The following PTPRU variants were observed in gnomAD, a reference collection of about 807,000 sequenced individuals.
PTPRU encodes the protein protein tyrosine phosphatase receptor type U, also known as receptor-type tyrosine-protein phosphatase U.
A neutral mutation model predicts 166.3 loss-of-function variants in PTPRU; 69 were observed. That is an observed-to-expected ratio of 0.41 (90% CI 0.34 to 0.51). The LOEUF (loss-of-function observed/expected upper bound fraction) is 0.51. Among genes scored for constraint, PTPRU ranks in the 20% least tolerant of loss-of-function variants. The pLI, the probability that PTPRU is intolerant of heterozygous loss-of-function variation, is 0.09. For synonymous variants in PTPRU, 793 were observed against 814.0 expected, an observed-to-expected ratio of 0.97 and a Z score of 0.44; for missense variants, 1,657 against 2,013.7, an observed-to-expected ratio of 0.82 and a Z score of 3.39.
chr1:29,276,323 T>C (rs1222637212), intron 8 of PTPRU, among the ~76,000 whole-genome samples: 1 of 151,880 alleles, frequency 6.6e-6, no homozygotes, highest in Non-Finnish European at 1.5e-5. Context: ...CAAGCTAGTT[T>C]ATTTATTTTT....
chr1:29,320,887 G>T lies in PTPRU; in HGVS notation c.3828+62G>T. On this transcript the variant is annotated intron_variant, in intron 26 of 29. Coordinates refer to ENST00000373779, the MANE Select transcript of PTPRU (RefSeq NM_133178.4). This position sits in a 1 kb window ranked among gnomAD's most constrained non-coding sequence, Gnocchi z 5.2. ...CTCCCAGGTCCTCTGTGTATTCAGG[G>T]CCATGGTCCCCAAAGCCAAAAGTTG... 7.0e-7 allele frequency: 1 copy of T among 1,434,816 alleles called. No homozygotes were observed. The highest frequency in any genetic ancestry group is 9.2e-7 in the Non-Finnish European group (1 of 1,083,130). The allele number at this position is 1,434,816 out of a possible 1,614,324, so 88.9% of individuals were successfully genotyped here.
chr1:29,279,106 C>G lies in PTPRU; in HGVS notation c.1548C>G (p.Leu516=). ...KWEEPQEPNG[L]ITQYEISYQS... is the part of the protein sequence containing the mutation. ...AGGAGCCCCAGGAGCCCAATGGTCT[C>G]ATCACCCAGTATGAGGTGGGTTTGG... Residue 516 remains leucine (L), a synonymous_variant, in exon 9 of 30, where the codon CTC becomes CTG. Transcript: ENST00000373779. This position sits in a 1 kb window ranked among gnomAD's most constrained non-coding sequence, Gnocchi z 5.2. 1 of 1,577,238 alleles carries G rather than the reference C, an allele frequency of 6.3e-7. No homozygotes were observed. The highest frequency in any genetic ancestry group is 8.6e-7 in the Non-Finnish European group (1 of 1,160,774).
chr1:29,310,537 C>T (rs984747581), intron 18 of PTPRU, among the ~76,000 whole-genome samples: 3 of 152,086 alleles, frequency 2.0e-5, no homozygotes, highest in Non-Finnish European at 2.9e-5. Context: ...ATTAAGCCCA[C>T]GACTCTGGTG....
rs577949131 is a variant in PTPRU at position 29,289,262 on chromosome 1, G to A, written c.2319-2607G>A. ...TGAATATATGTCTAAGTGAGTGTGT[G>A]TCAAGTGTGTCTGAATACATGTGTA... On this transcript the variant is annotated intron_variant, in intron 14 of 29. Transcript: ENST00000373779. 6.4e-4 allele frequency among the ~76,000 whole-genome samples: 97 copies of A among 152,254 alleles called. 1 individual carries two copies. Among genetic ancestry groups the A allele is most frequent in the Admixed American group, 1.8e-3 (27 of 15,298 alleles).
chr1:29,252,779 C>T (rs1309233186), intron 1 of PTPRU, among the ~76,000 whole-genome samples: 1 of 152,234 alleles, frequency 6.6e-6, no homozygotes, highest in Non-Finnish European at 1.5e-5. Flanking sequence ...GCCCTCCCAC[C>T]ACCACAGCAG....
At chr1:29,268,231 A>C (rs1685389540) in intron 7 of PTPRU, among the ~76,000 whole-genome samples, 1 of 152,210 alleles carries the variant, frequency 6.6e-6, no homozygotes, top group African/African-American at 2.4e-5. Context: ...TTCGGGCTGC[A>C]GATAGAAATT....
rs1683817086 is a variant in PTPRU at position 29,237,369 on chromosome 1, T to G, written c.73+652T>G. On this transcript the variant is annotated intron_variant, in intron 1 of 29. Transcript: ENST00000373779. This position sits in a 1 kb window ranked among gnomAD's most constrained non-coding sequence, Gnocchi z 6.4. ...CTGCCGGGGGCCGCGTGGGTCCGAG[T>G]GAATGCCAAGTGTGCCGGGAATGCG... Among the ~76,000 whole-genome samples the G allele has an allele frequency of 6.6e-6, 1 of 151,564 alleles. No individual in the cohort carries two copies. Among genetic ancestry groups the G allele is most frequent in the Non-Finnish European group, 1.5e-5 (1 of 67,894 alleles).
chr1:29,293,561 G>A (rs568437570), intron 15 of PTPRU, among the ~76,000 whole-genome samples: 4 of 147,602 alleles, frequency 2.7e-5, no homozygotes, highest in South Asian at 4.5e-4. Flanking sequence ...TGCAAGCTCC[G>A]CCTCCCGCAT....
At chr1:29,319,961 G>A (rs571159495) in intron 25 of PTPRU, among the ~76,000 whole-genome samples, 4 of 152,268 alleles carry the variant, frequency 2.6e-5, no homozygotes, top group South Asian at 2.1e-4. Context: ...AGTGAGCAGC[G>A]TCGGGGCCTG....
intron 7 of PTPRU, among the ~76,000 whole-genome samples, chr1:29,269,138 G>A (rs183647845): frequency 0.017 from 2,559 of 147,364 alleles, 32 homozygotes; most frequent in Non-Finnish European, 0.03. Flanking sequence ...TGAACTCCTG[G>A]GCTCAAGTGA....
chr1:29,269,246 ATTTTTTTTTTTT>A (rs1175870568), intron 7 of PTPRU, among the ~76,000 whole-genome samples: 3 of 20,588 alleles, frequency 1.5e-4, no homozygotes, highest in Non-Finnish European at 2.0e-4. Context: ...ATATATATAT[ATTTTTTTTTTTT>A]TTTTTTTTTT....
chr1:29,273,088 C>CA (rs1685641999), intron 7 of PTPRU, among the ~76,000 whole-genome samples: 1 of 151,992 alleles, frequency 6.6e-6, no homozygotes. Context: ...TTCATGGAAT[C>CA]AGAGTGTAAG....
At chr1:29,302,979 G>A (rs886169310) in intron 15 of PTPRU, among the ~76,000 whole-genome samples, 7 of 152,168 alleles carry the variant, frequency 4.6e-5, no homozygotes, top group African/African-American at 7.2e-5. Flanking sequence ...AGGCTATGCC[G>A]TGCAGCCCAG....
In PTPRU at chr1:29,310,779, A is replaced by C; in HGVS notation, c.2856A>C (p.Gln952His). ...GGTCAAACCACTTCATAGCCACTCA[A>C]GGTACCTGGCACTTCTGCCCACATG... ...YHRSNHFIATQGPKPEMVYDF... is the reference protein window; with the variant it reads ...YHRSNHFIATHGPKPEMVYDF... The change falls in exon 19 of 30, where the codon CAA (glutamine) becomes CAC (histidine). Residue 952 changes from glutamine (Q) to histidine (H), a missense_variant and splice_region_variant. Physicochemically the swap from Gln to His is conservative, Grantham distance 24. Coordinates refer to ENST00000373779, the MANE Select transcript of PTPRU (RefSeq NM_133178.4). 1 of 1,613,840 alleles carries C rather than the reference A, an allele frequency of 6.2e-7. No homozygotes were observed. The highest frequency in any genetic ancestry group is 1.3e-5 in the African/African-American group (1 of 75,006).
rs953974824 is a variant in PTPRU, at chr1:29,271,518, G to A, written c.1145-3930G>A. On this transcript the variant is annotated intron_variant, in intron 7 of 29. Transcript: ENST00000373779. This position sits in a 1 kb window ranked among gnomAD's most constrained non-coding sequence, Gnocchi z 4.4. ...ATGAGATGCCTAAGTCTGAAGTTGG[G>A]AGTTTCATCCTCCAAAGTTGCTATC... Among the ~76,000 whole-genome samples, 1 of 152,196 alleles carries A rather than the reference G, an allele frequency of 6.6e-6. No individual in the cohort carries two copies. Among genetic ancestry groups the A allele is most frequent in the Non-Finnish European group, 1.5e-5 (1 of 68,040 alleles).
At position 29,320,901 on chromosome 1, in the gene PTPRU, A is replaced by G. The variant is rs1476675795; in HGVS notation, c.3828+76A>G. ...GTGTATTCAGGGCCATGGTCCCCAA[A>G]GCCAAAAGTTGGGTCCCAGCTCTGC... On this transcript the variant is annotated intron_variant, in intron 26 of 29. Transcript: ENST00000373779. The surrounding 1 kb of genome is among the most constrained non-coding windows in gnomAD (Gnocchi z 5.2). 4.3e-6 allele frequency: 6 copies of G among 1,397,810 alleles called. No individual in the cohort carries two copies. The Admixed American group carries it at 1.6e-4, about 36-fold the overall frequency. 86.6% of individuals were successfully genotyped at this position (1,397,810 alleles called of 1,614,324 possible). A position where few individuals can be genotyped will look rare whatever the true frequency, so the allele number is the denominator to read the frequency against.
At chr1:29,292,894 TA>T (rs1686707407) in intron 15 of PTPRU, among the ~76,000 whole-genome samples, 1 of 151,348 alleles carries the variant, frequency 6.6e-6, no homozygotes, top group Non-Finnish European at 1.5e-5. Flanking sequence ...CGGCTCACTG[TA>T]ACCTCTGCCT....
chr1:29,324,305 C>G (rs1688305694), intron 28 of PTPRU, among the ~76,000 whole-genome samples: 1 of 152,222 alleles, frequency 6.6e-6, no homozygotes, highest in African/African-American at 2.4e-5. Flanking sequence ...CAGGCTGGGC[C>G]TACTGGAAGC....
intron 21 of PTPRU, among the ~76,000 whole-genome samples, chr1:29,312,032 A>G (rs1014444831): frequency 6.6e-6 from 1 of 152,164 alleles, no homozygotes; most frequent in Non-Finnish European, 1.5e-5. Flanking sequence ...GCCTGTTATA[A>G]ATATTGTTTC....
Sources: allele counts gnomAD v4.1 joint callset (sites outside exome capture counted in the v4.1 genomes callset), GRCh38; gene constraint gnomAD v4.1.1; non-coding constraint Gnocchi (gnomAD v3.1); transcripts MANE v1.5; gene names NCBI Gene and HGNC (gene_info 2026-07-23, HGNC 2026-07-21).